The following DMD variants were observed in gnomAD, a reference collection of about 807,000 sequenced individuals.
DMD encodes the protein dystrophin.
Under a neutral mutation model 330.1 loss-of-function variants are expected in DMD, and 63 were observed. The observed-to-expected ratio is 0.19, with a 90% CI of 0.16 to 0.24. DMD has a LOEUF of 0.24. Among genes scored for constraint, DMD ranks in the 10% least tolerant of loss-of-function variants. The pLI is 1.00. For synonymous variants in DMD, 1,223 were observed against 959.8 expected, an observed-to-expected ratio of 1.27 and a Z score of -5.07; for missense variants, 3,344 against 2,684.1, an observed-to-expected ratio of 1.25 and a Z score of -5.43.
rs753213156 is a variant in DMD, at chrX:31,643,321, G to A, written c.8027+14669C>T. 1.1e-4 allele frequency among the ~76,000 whole-genome samples: 12 copies of A among 111,800 alleles called. No individual in the cohort carries two copies. The East Asian group carries it at 3.4e-3, about 31-fold the overall frequency. Reference sequence around the variant, plus strand: ...TTTGTAGGGAAAAATGGTATTTCTTGTAGATATATTAGTAGTTGATAATTT... The same window carrying A: ...TTTGTAGGGAAAAATGGTATTTCTTATAGATATATTAGTAGTTGATAATTT... On this transcript the variant is annotated intron_variant, in intron 54 of 78. Transcript: ENST00000357033.
In DMD at chrX:32,764,958, T is replaced by G. The variant is rs1192421346; in HGVS notation, c.649+44535A>C. 5.5e-4 allele frequency among the ~76,000 whole-genome samples: 19 copies of G among 34,445 alleles called. 1 individual carries two copies. The East Asian group carries it at 9.8e-3, about 18-fold the overall frequency. 29.9% of individuals were successfully genotyped at this position (34,445 alleles called of 115,157 possible). ...TCCTCAACCATATTTATTTTCTGGG[T>G]TTTTTTTTTTTTTTTTGGTGTTTTA... On this transcript the variant is annotated intron_variant, in intron 7 of 78. Coordinates refer to ENST00000357033, the MANE Select transcript of DMD (RefSeq NM_004006.3).
chrX:32,733,454 A>C (rs1268112812), intron 7 of DMD, among the ~76,000 whole-genome samples: 1 of 110,891 alleles, frequency 9.0e-6, no homozygotes, highest in African/African-American at 3.3e-5. Flanking sequence ...AATCAACAGA[A>C]TATACATTCT....
rs55752684 is a variant in DMD at position 31,473,711 on chromosome X, C to CAAAAAAAAAAAAAA, written c.8937+4381_8937+4394dup. Among the ~76,000 whole-genome samples the CAAAAAAAAAAAAAA allele has an allele frequency of 2.0e-3, 79 of 40,094 alleles. 2 individuals carry two copies. Among genetic ancestry groups the CAAAAAAAAAAAAAA allele is most frequent in the African/African-American group, 6.3e-3 (70 of 11,143 alleles). 34.8% of individuals were successfully genotyped at this position (40,094 alleles called of 115,157 possible). ...CTGGTGACAGAGTGAGACTCTGTCT[C>CAAAAAAAAAAAAAA]AAAAAAAAAAAAAAAAAGAAAACAA... On this transcript the variant is annotated intron_variant, in intron 59 of 78. Transcript: ENST00000357033.
At chrX:32,214,112 T>C (rs750872531) in intron 44 of DMD, among the ~76,000 whole-genome samples, 2 of 111,315 alleles carry the variant, frequency 1.8e-5, no homozygotes, top group Non-Finnish European at 3.8e-5. Flanking sequence ...AATTGTGTAA[T>C]GTTAATGTAT....
chrX:31,784,114 G>T (rs2091168386), intron 50 of DMD, among the ~76,000 whole-genome samples: 1 of 111,831 alleles, frequency 8.9e-6, no homozygotes, highest in Non-Finnish European at 1.9e-5. Context: ...AAGAAGAAAG[G>T]CTCTGAGGTG....
At chrX:33,176,559 A>AGTGTGTGTGT (rs67497965) in intron 1 of DMD, among the ~76,000 whole-genome samples, 4 of 102,762 alleles carry the variant, frequency 3.9e-5, no homozygotes, top group East Asian at 3.1e-4. Flanking sequence ...CAAGCACAGA[A>AGTGTGTGTGT]GTGTGTGTGT....
At chrX:31,529,390 TAAATA>T (rs778003859) in intron 55 of DMD, among the ~76,000 whole-genome samples, 1 of 109,440 alleles carries the variant, frequency 9.1e-6, no homozygotes, top group East Asian at 2.8e-4. Flanking sequence ...GTCTCTAAAA[TAAATA>T]AAATAAAATA....
chrX:31,658,197 C>T lies in DMD; in HGVS notation c.7873-53G>A. ...AATGTCAGTTTTTTTTATGAAATCT[C>T]TAGTTGGAGTGTCTTAAAATACTTC... On this transcript the variant is annotated intron_variant, in intron 53 of 78. Coordinates refer to ENST00000357033, the MANE Select transcript of DMD (RefSeq NM_004006.3). 5.2e-6 allele frequency: 6 copies of T among 1,158,617 alleles called. No homozygotes were observed. In the South Asian group the frequency reaches 9.0e-5, roughly 17 times the overall value.
chrX:31,962,565 G>A (rs774826558), intron 45 of DMD, among the ~76,000 whole-genome samples: 12 of 112,261 alleles, frequency 1.1e-4, no homozygotes, highest in Non-Finnish European at 1.5e-4. Flanking sequence ...CTGTTACTCA[G>A]TTGTAGGTGA....
intron 20 of DMD, among the ~76,000 whole-genome samples, chrX:32,490,062 CT>C (rs961050689): frequency 8.9e-6 from 1 of 112,111 alleles, no homozygotes; most frequent in African/African-American, 3.2e-5. Context: ...TTGTTTTTCT[CT>C]TCAAAATAGC....
chrX:32,316,953 C>T (rs1218657445), intron 41 of DMD, among the ~76,000 whole-genome samples: 2 of 111,066 alleles, frequency 1.8e-5, no homozygotes, highest in Non-Finnish European at 3.8e-5. Context: ...TTAGAAATAT[C>T]ATGTTCATTT....
chrX:31,951,161 A>ATATG (rs2095170684), intron 45 of DMD, among the ~76,000 whole-genome samples: 5 of 86,925 alleles, frequency 5.8e-5, no homozygotes, highest in African/African-American at 2.4e-4. Context: ...ATATATATGT[A>ATATG]TATATATATA....
intron 7 of DMD, among the ~76,000 whole-genome samples, chrX:32,767,179 G>A (rs1194679202): frequency 3.6e-5 from 4 of 111,384 alleles, no homozygotes; most frequent in Non-Finnish European, 7.6e-5. Flanking sequence ...AGGCTCATTT[G>A]CATATGGGTA....
At chrX:33,278,485 A>G (rs1245942338) in intron 1 of DMD, among the ~76,000 whole-genome samples, 1 of 111,822 alleles carries the variant, frequency 8.9e-6, no homozygotes, top group Non-Finnish European at 1.9e-5. Context: ...CTCCAGCTCC[A>G]TCAATGTTGT....
chrX:31,951,139 A>ATATATATATATATATATG (rs1557025403), intron 45 of DMD, among the ~76,000 whole-genome samples: 1 of 72,240 alleles, frequency 1.4e-5, no homozygotes. Flanking sequence ...ATATATATAT[A>ATATATATATATATATATG]TGTGTATATA....
At chrX:31,498,533 AG>A (rs2070097111) in intron 56 of DMD, among the ~76,000 whole-genome samples, 1 of 112,287 alleles carries the variant, frequency 8.9e-6, no homozygotes, top group Non-Finnish European at 1.9e-5. Flanking sequence ...ATGAGAAAAC[AG>A]GTTACAAAAC....
At chrX:33,320,290 T>C (rs1231179488) in intron 1 of DMD, among the ~76,000 whole-genome samples, 2 of 111,535 alleles carry the variant, frequency 1.8e-5, no homozygotes, top group African/African-American at 3.3e-5. Context: ...GTTGGAGCAA[T>C]AGCCACAGGG....
chrX:32,340,459 G>A (rs1307768544), intron 41 of DMD, among the ~76,000 whole-genome samples: 1 of 111,354 alleles, frequency 9.0e-6, no homozygotes, highest in African/African-American at 3.3e-5. Context: ...TATTTGTTGA[G>A]AGCCTACTAT....
chrX:31,445,203 G>A (rs2065191546), intron 59 of DMD, among the ~76,000 whole-genome samples: 1 of 111,660 alleles, frequency 9.0e-6, no homozygotes, highest in South Asian at 3.8e-4. Context: ...GCCATGATGA[G>A]CTCTATTCAT....
Sources: gnomAD v4.1 joint callset for allele counts (sites outside exome capture counted in the v4.1 genomes callset) on GRCh38, gnomAD v4.1.1 for gene constraint, MANE v1.5 for transcripts, NCBI Gene and HGNC (gene_info 2026-07-23, HGNC 2026-07-21) for gene names.